Variants in ZNF536 observed in about 807,000 individuals in gnomAD.
ZNF536 encodes the protein zinc finger protein 536.
Under a neutral mutation model 84.5 loss-of-function variants are expected in ZNF536, and 13 were observed. That is an observed-to-expected ratio of 0.15 (90% CI 0.10 to 0.24). The LOEUF (loss-of-function observed/expected upper bound fraction) is 0.24, where lower values mean the gene tolerates loss of function less well. Ranked by LOEUF, ZNF536 falls within the 10% of genes least tolerant of loss-of-function variation. ZNF536 has a pLI of 1.00. For missense variants in ZNF536, 1,536 were observed against 1,747.5 expected, an observed-to-expected ratio of 0.88 and a Z score of 2.16; for synonymous variants, 811 against 742.5, an observed-to-expected ratio of 1.09 and a Z score of -1.50.
chr19:30,349,608 A>AAC (rs953500833), intron 2 of ZNF536, among the ~76,000 whole-genome samples: 8 of 151,944 alleles, frequency 5.3e-5, no homozygotes, highest in Non-Finnish European at 1.0e-4. Flanking sequence ...ACTCGAGAAG[A>AAC]ACTATAGAGA....
At chr19:30,498,178 G>A (rs1283517064) in intron 2 of ZNF536, among the ~76,000 whole-genome samples, 3 of 152,040 alleles carry the variant, frequency 2.0e-5, no homozygotes, top group Admixed American at 6.5e-5. Context: ...GCAAAGACAT[G>A]GAATCAACAC....
intron 1 of ZNF536, among the ~76,000 whole-genome samples, chr19:30,646,238 CT>C (rs1444574197): frequency 2.6e-5 from 4 of 152,222 alleles, no homozygotes; most frequent in Non-Finnish European, 5.9e-5. Flanking sequence ...GCCTTTCCCC[CT>C]GTCATGTGCC....
chr19:30,289,192 G>T (rs2045748377), intron 2 of ZNF536, among the ~76,000 whole-genome samples: 1 of 152,076 alleles, frequency 6.6e-6, no homozygotes, highest in South Asian at 2.1e-4. Context: ...GGGAGGGGAG[G>T]CCTGTGGTTT....
chr19:30,502,675 C>T (rs2054999405), intron 2 of ZNF536, among the ~76,000 whole-genome samples: 1 of 152,140 alleles, frequency 6.6e-6, no homozygotes, highest in African/African-American at 2.4e-5. Context: ...GGACAAAAGT[C>T]CTGAGATGCC....
At chr19:30,640,794 G>A (rs923778172) in intron 1 of ZNF536, among the ~76,000 whole-genome samples, 20 of 152,336 alleles carry the variant, frequency 1.3e-4, no homozygotes, top group African/African-American at 4.6e-4. Context: ...CATTTCTTAT[G>A]CAGCATTTAC....
At chr19:30,247,230 T>G (rs2024330495) in intron 1 of ZNF536, among the ~76,000 whole-genome samples, 1 of 152,264 alleles carries the variant, frequency 6.6e-6, no homozygotes, top group African/African-American at 2.4e-5. Context: ...TGACAGTTCA[T>G]AGTCAAACAC....
chr19:30,595,838 T>C (rs1477542814), intron 1 of ZNF536, among the ~76,000 whole-genome samples: 1 of 152,036 alleles, frequency 6.6e-6, no homozygotes, highest in Non-Finnish European at 1.5e-5. Context: ...GCCTTTCTAG[T>C]GTCAGGACAT....
chr19:30,277,944 GA>G (rs2045298674), intron 1 of ZNF536, among the ~76,000 whole-genome samples: 6 of 152,214 alleles, frequency 3.9e-5, no homozygotes, highest in Admixed American at 3.9e-4. Flanking sequence ...CTGACAGCAA[GA>G]ACCTTGTGGG....
At chr19:30,401,277 G>A (rs1004265004) in intron 1 of ZNF536, among the ~76,000 whole-genome samples, 6 of 152,016 alleles carry the variant, frequency 3.9e-5, no homozygotes, top group Admixed American at 6.5e-5. Context: ...CACCTAGGTT[G>A]GAGCTCACTG....
intron 2 of ZNF536, among the ~76,000 whole-genome samples, chr19:30,469,702 C>G (rs1281080110): frequency 6.6e-6 from 1 of 152,174 alleles, no homozygotes; most frequent in Non-Finnish European, 1.5e-5. Context: ...CCCTGCTCCT[C>G]TGGGGACGCT....
At chr19:30,322,982 G>C (rs1012149612) in intron 2 of ZNF536, among the ~76,000 whole-genome samples, 2 of 152,196 alleles carry the variant, frequency 1.3e-5, no homozygotes, top group African/African-American at 4.8e-5. Flanking sequence ...TACTGGGTCA[G>C]ATGTCTTGCC....
In ZNF536 at chr19:30,408,558, C is replaced by G. The variant is rs145985587; in HGVS notation, c.-2-35003C>G. On this transcript the variant is annotated intron_variant, in intron 1 of 4. Transcript: ENST00000355537. ...TCTGGTGAGAGTTGTGAGCTGCTCTCTCTGCCAATTTCAGCAGCTGGGAGG... is the reference window on the plus strand; with the variant it reads ...TCTGGTGAGAGTTGTGAGCTGCTCTGTCTGCCAATTTCAGCAGCTGGGAGG... 3.2e-3 allele frequency among the ~76,000 whole-genome samples: 487 copies of G among 152,294 alleles called. 4 individuals are homozygous for G. The highest frequency in any genetic ancestry group is 0.011 in the African/African-American group (460 of 41,548).
intron 2 of ZNF536, among the ~76,000 whole-genome samples, chr19:30,510,953 G>A (rs2055388309): frequency 6.6e-6 from 1 of 152,186 alleles, no homozygotes; most frequent in African/African-American, 2.4e-5. Context: ...CGTAGAGTGG[G>A]GATGGATATC....
intron 1 of ZNF536, among the ~76,000 whole-genome samples, chr19:30,667,777 G>A (rs2050391417): frequency 6.6e-6 from 1 of 151,990 alleles, no homozygotes; most frequent in Non-Finnish European, 1.5e-5. Context: ...ATTTACTACA[G>A]TACTAGATAA....
intron 1 of ZNF536, among the ~76,000 whole-genome samples, chr19:30,606,261 TAA>T (rs58066592): frequency 1.9e-3 from 45 of 24,024 alleles, no homozygotes; most frequent in African/African-American, 4.0e-3. Context: ...ATAAATAAAA[TAA>T]AATAAAATAA....
chr19:30,572,223 A>C (rs1396550377), intron 1 of ZNF536, among the ~76,000 whole-genome samples: 1 of 152,198 alleles, frequency 6.6e-6, no homozygotes, highest in African/African-American at 2.4e-5. Context: ...AACTCTCCCT[A>C]CTGCTTCCTG....
At chr19:30,512,218 GT>G (rs1878908031) in intron 2 of ZNF536, among the ~76,000 whole-genome samples, 2 of 152,156 alleles carry the variant, frequency 1.3e-5, no homozygotes, top group Admixed American at 6.5e-5. Context: ...TAAAATGGTT[GT>G]TTTTCCAATG....
At chr19:30,472,661 T>C (rs1364314544) in intron 2 of ZNF536, among the ~76,000 whole-genome samples, 1 of 152,164 alleles carries the variant, frequency 6.6e-6, no homozygotes, top group Non-Finnish European at 1.5e-5. Context: ...AAATGGACAA[T>C]TGCAGTCCAC....
intron 3 of ZNF536, among the ~76,000 whole-genome samples, chr19:30,365,690 C>CT (rs1449349837): frequency 3.3e-5 from 5 of 152,310 alleles, no homozygotes; most frequent in African/African-American, 9.6e-5. Flanking sequence ...AATGAGAGGA[C>CT]TGACTCCTTA....
Sources: allele counts gnomAD v4.1 joint callset (sites outside exome capture counted in the v4.1 genomes callset), GRCh38; gene constraint gnomAD v4.1.1; transcripts MANE v1.5; gene names NCBI Gene and HGNC (gene_info 2026-07-23, HGNC 2026-07-21).